The following SUGT1 variants were observed in gnomAD, a reference collection of about 807,000 sequenced individuals.
The protein encoded by SUGT1 is SGT1 assembly cochaperone of MIS12 kinetochore complex.
Under a neutral mutation model 56.1 loss-of-function variants are expected in SUGT1, and 15 were observed. The ratio of observed to expected loss-of-function variants is 0.27; its 90% CI spans 0.18 to 0.41. The LOEUF is 0.41. Ranked by LOEUF, SUGT1 falls within the 10% of genes least tolerant of loss-of-function variation. The probability of loss-of-function intolerance (pLI) is 1.00; values close to 1 mark genes in which losing one functional copy is unlikely to be tolerated. For missense variants in SUGT1, 347 were observed against 382.2 expected, an observed-to-expected ratio of 0.91 and a Z score of 0.77; for synonymous variants, 123 against 128.6, an observed-to-expected ratio of 0.96 and a Z score of 0.30.
rs1356419440 is a variant in SUGT1, at chr13:52,691,550, C to G, written c.*3715C>G. 6.6e-6 allele frequency: 1 copy of G among 152,122 alleles called. No homozygotes were observed. The highest frequency in any genetic ancestry group is 2.4e-5 in the African/African-American group (1 of 41,416). 9.4% of individuals were successfully genotyped at this position (152,122 alleles called of 1,614,324 possible). A position where few individuals can be genotyped will look rare whatever the true frequency, so the allele number is the denominator to read the frequency against. ...AAATTCCCTTGGAATCTTTCCTGTT[C>G]AGATTGGTGTGCATCTCTCTGAACT... On this transcript the variant is annotated 3_prime_UTR_variant, in exon 13 of 13. Coordinates refer to ENST00000310528, the MANE Select transcript of SUGT1 (RefSeq NM_006704.5).
chr13:52,676,977 A>G (rs1963170762), intron 11 of SUGT1, among the ~76,000 whole-genome samples: 1 of 152,202 alleles, frequency 6.6e-6, no homozygotes, highest in Non-Finnish European at 1.5e-5. Flanking sequence ...TCAGAACTAC[A>G]ACCTAAGATT....
At chr13:52,683,106 C>A (rs1300652142) in intron 12 of SUGT1, among the ~76,000 whole-genome samples, 1 of 151,948 alleles carries the variant, frequency 6.6e-6, no homozygotes, top group Non-Finnish European at 1.5e-5. Context: ...ATCTCCTTTT[C>A]TTGCTATATT....
chr13:52,680,711 A>G (rs752058383), intron 12 of SUGT1, among the ~76,000 whole-genome samples: 1 of 152,220 alleles, frequency 6.6e-6, no homozygotes, highest in Non-Finnish European at 1.5e-5. Flanking sequence ...CTCTGGAAAT[A>G]TGACTCTTTT....
intron 2 of SUGT1, among the ~76,000 whole-genome samples, chr13:52,653,535 C>T (rs987745804): frequency 2.0e-5 from 3 of 152,152 alleles, no homozygotes; most frequent in Non-Finnish European, 2.9e-5. Flanking sequence ...TCCCTCACGT[C>T]CCTGAAACTT....
chr13:52,668,207 C>G (rs543082495), intron 10 of SUGT1, among the ~76,000 whole-genome samples: 25 of 152,274 alleles, frequency 1.6e-4, no homozygotes, highest in Non-Finnish European at 2.6e-4. Context: ...GTCTTGATCT[C>G]CTGACCACGT....
In SUGT1 at chr13:52,689,170, G is replaced by A. The variant is rs1263674467; in HGVS notation, c.*1335G>A. Reference sequence around the variant, plus strand: ...TTGTGGGGTGTAGGGGAGTTACTAAGGAAAGTTTCAGTAAGGTGATACCAG... The same window carrying A: ...TTGTGGGGTGTAGGGGAGTTACTAAAGAAAGTTTCAGTAAGGTGATACCAG... On this transcript the variant is annotated 3_prime_UTR_variant, in exon 13 of 13. Transcript: ENST00000310528. 2.0e-5 allele frequency: 3 copies of A among 152,094 alleles called. No homozygotes were observed. The highest frequency in any genetic ancestry group is 7.2e-5 in the African/African-American group (3 of 41,416). The allele number at this position is 152,094 out of a possible 1,614,324, so 9.4% of individuals were successfully genotyped here.
intron 2 of SUGT1, among the ~76,000 whole-genome samples, chr13:52,655,184 A>G (rs1478717560): frequency 6.6e-6 from 1 of 152,216 alleles, no homozygotes; most frequent in East Asian, 1.9e-4. Flanking sequence ...TCTCTATTAA[A>G]AATACAAAAA....
At chr13:52,657,308 G>A (rs74087399) in intron 2 of SUGT1, among the ~76,000 whole-genome samples, 1,851 of 152,158 alleles carry the variant, frequency 0.012, 34 homozygotes, top group African/African-American at 0.043. Flanking sequence ...AAAGCTTTAC[G>A]GTACAGAGAT....
intron 12 of SUGT1, among the ~76,000 whole-genome samples, chr13:52,681,326 G>T (rs1963365185): frequency 6.6e-6 from 1 of 151,472 alleles, no homozygotes; most frequent in South Asian, 2.1e-4. Flanking sequence ...GGTGAGGTGG[G>T]AGGATCTCTT....
rs976807305 is a variant in SUGT1, at chr13:52,690,425, T to C, written c.*2590T>C. 6.6e-6 allele frequency: 1 copy of C among 152,116 alleles called. No homozygotes were observed. Among genetic ancestry groups the C allele is most frequent in the African/African-American group, 2.4e-5 (1 of 41,422 alleles). The allele number at this position is 152,116 out of a possible 1,614,324, so 9.4% of individuals were successfully genotyped here. A position where few individuals can be genotyped will look rare whatever the true frequency, so the allele number is the denominator to read the frequency against. ...TTTTGGTTCTCAGTGCTGTTAGTAT[T>C]AGTAGCCTTTTGTTTCTTCAGAATG... On this transcript the variant is annotated 3_prime_UTR_variant, in exon 13 of 13. Transcript: ENST00000310528.
chr13:52,682,401 G>A (rs965495998), intron 12 of SUGT1, among the ~76,000 whole-genome samples: 4 of 151,908 alleles, frequency 2.6e-5, no homozygotes, highest in African/African-American at 4.8e-5. Flanking sequence ...GGGTGTCTCC[G>A]TATTGCTTAG....
At chr13:52,655,204 G>A (rs1962104149) in intron 2 of SUGT1, among the ~76,000 whole-genome samples, 1 of 152,156 alleles carries the variant, frequency 6.6e-6, no homozygotes, top group African/African-American at 2.4e-5. Flanking sequence ...AATTAGCCGG[G>A]CATGGTGGTG....
chr13:52,698,587 T>C lies in SUGT1; in HGVS notation c.*10752T>C, dbSNP rs1232357940. The stretch of plus-strand genomic sequence containing the variant: ...CAGGTAGCTGGGACTGCACTACTAG[T>C]GCACTAAGCTAATTTTTAAATTTTT... On this transcript the variant is annotated 3_prime_UTR_variant, in exon 13 of 13. Coordinates refer to ENST00000310528, the MANE Select transcript of SUGT1 (RefSeq NM_006704.5). The C allele has an allele frequency of 3.4e-5, 5 of 148,364 alleles. No homozygotes were observed. The highest frequency in any genetic ancestry group is 1.2e-4 in the African/African-American group (5 of 40,826). The allele number at this position is 148,364 out of a possible 1,614,324, so 9.2% of individuals were successfully genotyped here.
chr13:52,671,291 T>C lies in SUGT1; in HGVS notation c.627+4372T>C, dbSNP rs1594243576. On this transcript the variant is annotated intron_variant, in intron 10 of 12. Coordinates refer to ENST00000310528, the MANE Select transcript of SUGT1 (RefSeq NM_006704.5). ...TGGAATGTATTCTTATCTTTTCATA[T>C]ATTTTGTAATGTATATTTATATATT... Among the ~76,000 whole-genome samples the C allele has an allele frequency of 1.4e-5, 2 of 141,712 alleles. 1 individual carries two copies. Among genetic ancestry groups the C allele is most frequent in the South Asian group, 4.7e-4 (2 of 4,218 alleles). 93.0% of individuals were successfully genotyped at this position (141,712 alleles called of 152,430 possible).
chr13:52,700,451 G>T lies in SUGT1; in HGVS notation c.*12616G>T, dbSNP rs561408062. On this transcript the variant is annotated 3_prime_UTR_variant, in exon 13 of 13. Coordinates refer to ENST00000310528, the MANE Select transcript of SUGT1 (RefSeq NM_006704.5). Reference sequence around the variant, plus strand: ...AAACCTGTAGTGAGTTCTTCAGTCAGTCAACACTAAACCTGTTTTGTAAAT... The same window carrying T: ...AAACCTGTAGTGAGTTCTTCAGTCATTCAACACTAAACCTGTTTTGTAAAT... 1.1e-4 allele frequency: 16 copies of T among 152,250 alleles called. No individual in the cohort carries two copies. The highest frequency in any genetic ancestry group is 3.4e-3 in the Middle Eastern group (1 of 292). 9.4% of individuals were successfully genotyped at this position (152,250 alleles called of 1,614,324 possible).
chr13:52,673,091 A>G (rs1319569941), intron 10 of SUGT1, among the ~76,000 whole-genome samples: 1 of 152,218 alleles, frequency 6.6e-6, no homozygotes, highest in East Asian at 1.9e-4. Context: ...GGTTGCAGTA[A>G]AAACCTCTGA....
chr13:52,652,915 C>T lies in SUGT1; in HGVS notation c.-6C>T. ...GCTCCGGCGGCAGCAACAGCGACTA[C>T]GAGGGATGGCGGCGGCTGCAGCAGG... is the stretch of plus-strand genomic sequence containing the variant. On this transcript the variant is annotated 5_prime_UTR_variant, in exon 1 of 13. The change creates a new upstream start codon in the 5' untranslated region. Transcript: ENST00000310528. 6.2e-7 allele frequency: 1 copy of T among 1,613,720 alleles called. No individual in the cohort carries two copies. The highest frequency in any genetic ancestry group is 8.5e-7 in the Non-Finnish European group (1 of 1,179,758).
chr13:52,669,178 G>A (rs1049341264), intron 10 of SUGT1, among the ~76,000 whole-genome samples: 1 of 151,916 alleles, frequency 6.6e-6, no homozygotes, highest in African/African-American at 2.4e-5. Context: ...CATGTCCCTC[G>A]TTTCTGTGTA....
intron 5 of SUGT1, among the ~76,000 whole-genome samples, chr13:52,659,907 C>T (rs1176963316): frequency 1.3e-4 from 18 of 143,968 alleles, no homozygotes; most frequent in African/African-American, 3.9e-4. Context: ...CGACTCACTG[C>T]AAGCTCTGCC....
Sources: allele counts gnomAD v4.1 joint callset (sites outside exome capture counted in the v4.1 genomes callset), GRCh38; gene constraint gnomAD v4.1.1; transcripts MANE v1.5; gene names NCBI Gene and HGNC (gene_info 2026-07-23, HGNC 2026-07-21).